SLC24A3: variants seen among roughly 807,000 people sequenced by gnomAD.
SLC24A3 encodes solute carrier family 24 member 3, also known as sodium/potassium/calcium exchanger 3.
Under a neutral mutation model 75.8 loss-of-function variants are expected in SLC24A3, and 28 were observed. The ratio of observed to expected loss-of-function variants is 0.37; its 90% CI spans 0.27 to 0.51. The LOEUF is 0.51. Ranked by LOEUF, SLC24A3 falls within the 20% of genes least tolerant of loss-of-function variation. The pLI, the probability that SLC24A3 is intolerant of heterozygous loss-of-function variation, is 0.94. For missense variants in SLC24A3, 663 were observed against 847.8 expected, an observed-to-expected ratio of 0.78 and a Z score of 2.71; for synonymous variants, 372 against 334.1, an observed-to-expected ratio of 1.11 and a Z score of -1.24.
chr20:19,238,111 C>T (rs896246484), intron 1 of SLC24A3, among the ~76,000 whole-genome samples: 6 of 152,048 alleles, frequency 3.9e-5, no homozygotes, highest in South Asian at 2.1e-4. Context: ...AGACAGCAGC[C>T]GCCAAATTAA....
intron 2 of SLC24A3, among the ~76,000 whole-genome samples, chr20:19,414,063 A>G (rs1986789921): frequency 6.6e-6 from 1 of 152,228 alleles, no homozygotes; most frequent in African/African-American, 2.4e-5. Flanking sequence ...ATATGATACA[A>G]TGTCCAGCCC....
chr20:19,225,760 T>G (rs1981853039), intron 1 of SLC24A3, among the ~76,000 whole-genome samples: 1 of 152,204 alleles, frequency 6.6e-6, no homozygotes, highest in East Asian at 1.9e-4. Context: ...GTTTTGCACA[T>G]CAGTAGTTCA....
At chr20:19,248,399 A>AT (rs2122175794) in intron 1 of SLC24A3, among the ~76,000 whole-genome samples, 1 of 152,314 alleles carries the variant, frequency 6.6e-6, no homozygotes, top group Non-Finnish European at 1.5e-5. Flanking sequence ...AAACTTTAAC[A>AT]TTTTTTCTCA....
intron 2 of SLC24A3, among the ~76,000 whole-genome samples, chr20:19,417,003 T>C (rs1326124190): frequency 6.6e-6 from 1 of 152,182 alleles, no homozygotes; most frequent in Non-Finnish European, 1.5e-5. Context: ...CACTTCAGTT[T>C]AATTTTTTAA....
At position 19,595,095 on chromosome 20, in the gene SLC24A3, G is replaced by A. The variant is rs117429727; in HGVS notation, c.612+9551G>A. Among the ~76,000 whole-genome samples, 1,333 of 152,244 alleles carry A rather than the reference G, an allele frequency of 8.8e-3. 14 individuals are homozygous for A. The highest frequency in any genetic ancestry group is 0.013 in the Non-Finnish European group (863 of 68,004). On this transcript the variant is annotated intron_variant, in intron 6 of 16. Coordinates refer to ENST00000328041, the MANE Select transcript of SLC24A3 (RefSeq NM_020689.4). ...ACAGTGTAAAATGCTGGTCTTCTAG[G>A]TTCACAAGCTAGAGTAAGAAAACAG...
chr20:19,274,679 C>T (rs564656720), intron 1 of SLC24A3, among the ~76,000 whole-genome samples: 1 of 152,340 alleles, frequency 6.6e-6, no homozygotes, highest in African/African-American at 2.4e-5. Flanking sequence ...CTCCCCTCTT[C>T]ATCCACAGAG....
chr20:19,348,336 G>A (rs1430913744), intron 2 of SLC24A3, among the ~76,000 whole-genome samples: 1 of 152,158 alleles, frequency 6.6e-6, no homozygotes, highest in Non-Finnish European at 1.5e-5. Flanking sequence ...TAGCACCTCC[G>A]ATAGATTCTC....
At chr20:19,687,541 G>A (rs1287601632) in intron 12 of SLC24A3, among the ~76,000 whole-genome samples, 4 of 152,164 alleles carry the variant, frequency 2.6e-5, no homozygotes, top group Non-Finnish European at 4.4e-5. Context: ...CCATAACCAA[G>A]CTCCAGTAAT....
At chr20:19,688,289 T>C (rs2032703393) in intron 12 of SLC24A3, among the ~76,000 whole-genome samples, 1 of 152,212 alleles carries the variant, frequency 6.6e-6, no homozygotes, top group Non-Finnish European at 1.5e-5. Context: ...GCTAGAGACC[T>C]AGAGGCACTC....
chr20:19,668,702 A>T (rs1196012093), intron 8 of SLC24A3, among the ~76,000 whole-genome samples: 2 of 152,208 alleles, frequency 1.3e-5, no homozygotes, highest in Non-Finnish European at 2.9e-5. Flanking sequence ...ACATTCAGTC[A>T]AAAAAATGGT....
chr20:19,587,384 C>T (rs1159521798), intron 6 of SLC24A3, among the ~76,000 whole-genome samples: 1 of 152,176 alleles, frequency 6.6e-6, no homozygotes, highest in African/African-American at 2.4e-5. Context: ...CAAAGGGCTC[C>T]CTGAACTCCA....
intron 2 of SLC24A3, among the ~76,000 whole-genome samples, chr20:19,409,847 GTATATA>G (rs548789154): frequency 6.8e-6 from 1 of 146,210 alleles, no homozygotes; most frequent in Non-Finnish European, 1.5e-5. Context: ...GTGTGTGTGT[GTATATA>G]TATATATATA....
chr20:19,501,525 A>T (rs549385084), intron 2 of SLC24A3, among the ~76,000 whole-genome samples: 7 of 152,328 alleles, frequency 4.6e-5, no homozygotes, highest in African/African-American at 1.7e-4. Flanking sequence ...TGCAGGAAAC[A>T]TCTAAGAGAT....
At chr20:19,309,916 G>C (rs1181352534) in intron 2 of SLC24A3, among the ~76,000 whole-genome samples, 1 of 152,140 alleles carries the variant, frequency 6.6e-6, no homozygotes, top group Admixed American at 6.5e-5. Context: ...GTGACTCTGG[G>C]TCATTGGGAC....
chr20:19,645,214 A>G (rs1367412395), intron 6 of SLC24A3, among the ~76,000 whole-genome samples: 3 of 152,176 alleles, frequency 2.0e-5, no homozygotes, highest in African/African-American at 4.8e-5. Flanking sequence ...TAGTGATTCT[A>G]TTATTTATTG....
intron 1 of SLC24A3, among the ~76,000 whole-genome samples, chr20:19,254,182 A>G (rs907970025): frequency 2.6e-5 from 4 of 152,112 alleles, no homozygotes; most frequent in Admixed American, 6.5e-5. Context: ...GTGCCATCCT[A>G]GTGTGCTCCC....
chr20:19,639,923 T>C (rs2032053777), intron 6 of SLC24A3, among the ~76,000 whole-genome samples: 1 of 152,238 alleles, frequency 6.6e-6, no homozygotes, highest in Non-Finnish European at 1.5e-5. Context: ...GGCCGGCTGC[T>C]CCGAGTGCGG....
At chr20:19,353,493 T>C (rs1267068097) in intron 2 of SLC24A3, among the ~76,000 whole-genome samples, 1 of 152,222 alleles carries the variant, frequency 6.6e-6, no homozygotes, top group Non-Finnish European at 1.5e-5. Context: ...AACTGGAATC[T>C]GTTTGCTCAT....
intron 2 of SLC24A3, among the ~76,000 whole-genome samples, chr20:19,430,028 G>A (rs781001294): frequency 6.6e-6 from 1 of 152,162 alleles, no homozygotes; most frequent in Non-Finnish European, 1.5e-5. Flanking sequence ...GCATCTCTGG[G>A]GAAGCCGCTG....
Sources: gnomAD v4.1 joint callset for allele counts (sites outside exome capture counted in the v4.1 genomes callset) on GRCh38, gnomAD v4.1.1 for gene constraint, MANE v1.5 for transcripts, NCBI Gene and HGNC (gene_info 2026-07-23, HGNC 2026-07-21) for gene names.